ABTB2: variants seen among roughly 807,000 people sequenced by gnomAD.
ABTB2 encodes ankyrin repeat and BTB domain containing 2.
In ABTB2, 56 loss-of-function variants were observed where a neutral mutation model predicts 104.1. The observed-to-expected ratio is 0.54, with a 90% CI of 0.43 to 0.67. The LOEUF (loss-of-function observed/expected upper bound fraction) is 0.67. Among genes scored for constraint, ABTB2 ranks in the 30% least tolerant of loss-of-function variants. The probability of loss-of-function intolerance (pLI) is 0.00; values close to 1 mark genes in which losing one functional copy is unlikely to be tolerated. For missense variants in ABTB2, 1,279 were observed against 1,407.7 expected (o/e 0.91, Z 1.46); for synonymous variants, 606 against 608.2 (o/e 1.00, Z 0.05).
chr11:34,236,954 G>C (rs1565148562), intron 1 of ABTB2, among the ~76,000 whole-genome samples: 1 of 152,194 alleles, frequency 6.6e-6, no homozygotes, highest in Non-Finnish European at 1.5e-5. Flanking sequence ...TTATGAGAAA[G>C]TTGAATGTAT....
At chr11:34,172,431 T>TGG in intron 4 of ABTB2, among the ~76,000 whole-genome samples, 1 of 83,926 alleles carries the variant, frequency 1.2e-5, no homozygotes. Context: ...TGTGTGTGTG[T>TGG]GTGTATATAG....
chr11:34,274,617 T>A (rs1039220316), intron 1 of ABTB2, among the ~76,000 whole-genome samples: 1 of 151,938 alleles, frequency 6.6e-6, no homozygotes, highest in Non-Finnish European at 1.5e-5. Flanking sequence ...TTCTTTTTTT[T>A]AAAGGCACAC....
At chr11:34,335,934 T>C in intron 1 of ABTB2, 1 of 664,458 alleles carries the variant, frequency 1.5e-6, no homozygotes, top group East Asian at 2.6e-5. Flanking sequence ...TTGCCAACGT[T>C]TTAACTAAAG....
At chr11:34,224,771 A>G (rs1419385483) in intron 1 of ABTB2, among the ~76,000 whole-genome samples, 5 of 152,250 alleles carry the variant, frequency 3.3e-5, no homozygotes, top group African/African-American at 9.6e-5. Flanking sequence ...TACAAAAGAC[A>G]GAAGGCACCA....
At chr11:34,212,693 C>T (rs1236435922) in intron 1 of ABTB2, among the ~76,000 whole-genome samples, 4 of 152,194 alleles carry the variant, frequency 2.6e-5, no homozygotes, top group Admixed American at 2.6e-4. Flanking sequence ...CAGCACTCAC[C>T]ACCCCATCAG....
chr11:34,183,348 C>T (rs1421203596), intron 3 of ABTB2, among the ~76,000 whole-genome samples: 1 of 152,214 alleles, frequency 6.6e-6, no homozygotes, highest in Non-Finnish European at 1.5e-5. Context: ...CAACTGCCTA[C>T]CTTGGCATCC....
chr11:34,182,883 G>A (rs1853047457), intron 3 of ABTB2, among the ~76,000 whole-genome samples: 1 of 152,110 alleles, frequency 6.6e-6, no homozygotes, highest in African/African-American at 2.4e-5. Flanking sequence ...TATACATGGG[G>A]AAACTGAGGG....
intron 3 of ABTB2, among the ~76,000 whole-genome samples, chr11:34,179,470 C>T (rs1011316309): frequency 8.5e-5 from 13 of 152,194 alleles, no homozygotes; most frequent in Admixed American, 7.2e-4. Flanking sequence ...TGGCACAGAG[C>T]TGGCATTTCG....
intron 1 of ABTB2, among the ~76,000 whole-genome samples, chr11:34,300,010 C>G (rs1274464971): frequency 6.6e-6 from 1 of 152,164 alleles, no homozygotes; most frequent in Non-Finnish European, 1.5e-5. Context: ...GTGCCTGGCA[C>G]AGAGTCAGAG....
chr11:34,262,132 G>T (rs1854195239), intron 1 of ABTB2, among the ~76,000 whole-genome samples: 1 of 152,232 alleles, frequency 6.6e-6, no homozygotes, highest in Non-Finnish European at 1.5e-5. Context: ...ATGATGTCCA[G>T]AGATGCAACA....
intron 1 of ABTB2, among the ~76,000 whole-genome samples, chr11:34,352,876 C>G (rs1175176491): frequency 6.6e-6 from 1 of 152,118 alleles, no homozygotes. Context: ...GGCAACATAG[C>G]AAGACCCTGT....
At chr11:34,177,120 G>A (rs974888108) in intron 3 of ABTB2, among the ~76,000 whole-genome samples, 9 of 152,128 alleles carry the variant, frequency 5.9e-5, no homozygotes, top group Admixed American at 5.2e-4. Flanking sequence ...TCCCTATTGT[G>A]GCCAACAGCC....
intron 3 of ABTB2, among the ~76,000 whole-genome samples, chr11:34,183,927 C>G (rs1017525940): frequency 6.6e-6 from 1 of 151,914 alleles, no homozygotes; most frequent in African/African-American, 2.4e-5. Flanking sequence ...AAACAAAAAA[C>G]AAAAAACGGG....
At chr11:34,229,948 C>T (rs1853747242) in intron 1 of ABTB2, among the ~76,000 whole-genome samples, 1 of 152,180 alleles carries the variant, frequency 6.6e-6, no homozygotes, top group Admixed American at 6.5e-5. Flanking sequence ...TTCAGTTTTG[C>T]CAGCCACTTT....
At chr11:34,181,254 AAACAAAC>A (rs1389880462) in intron 3 of ABTB2, among the ~76,000 whole-genome samples, 5 of 127,408 alleles carry the variant, frequency 3.9e-5, no homozygotes, top group Non-Finnish European at 9.3e-5. Context: ...ACAAACAAAC[AAACAAAC>A]AAAAAAAACA....
chr11:34,197,589 A>C, intron 2 of ABTB2, 51 bp from the exon 3 acceptor site: 16 of 1,268,040 alleles, frequency 1.3e-5, no homozygotes, highest in Non-Finnish European at 1.6e-5. Flanking sequence ...AAAGAAGACA[A>C]AGTCTGAGTT....
intron 1 of ABTB2, among the ~76,000 whole-genome samples, chr11:34,346,819 T>C (rs150741277): frequency 6.6e-6 from 1 of 152,354 alleles, no homozygotes; most frequent in Non-Finnish European, 1.5e-5. Context: ...CATAGCTCTG[T>C]ACTGGATTGT....
intron 3 of ABTB2, among the ~76,000 whole-genome samples, chr11:34,180,749 C>T (rs1413439641): frequency 6.6e-6 from 1 of 152,184 alleles, no homozygotes; most frequent in Non-Finnish European, 1.5e-5. Context: ...ACCCAGGTGC[C>T]ATAACAGTCT....
chr11:34,170,781 C>A lies in ABTB2; in HGVS notation c.1563+125G>T, dbSNP rs141510439. The A allele has an allele frequency of 6.9e-4, 825 of 1,197,746 alleles. 3 individuals are homozygous for A. In the African/African-American group the frequency reaches 0.011, roughly 16 times the overall value. The allele number at this position is 1,197,746 out of a possible 1,614,324, so 74.2% of individuals were successfully genotyped here. A position where few individuals can be genotyped will look rare whatever the true frequency, so the allele number is the denominator to read the frequency against. On this transcript the variant is annotated intron_variant, in intron 5 of 16. Coordinates refer to ENST00000435224, the MANE Select transcript of ABTB2 (RefSeq NM_145804.3). ...GGCAGGGCAGGATTCAGGGAGGTAG[C>A]CCGCCTTTTCGAAGTACAGAGCTGA...
Sources: allele counts gnomAD v4.1 joint callset (sites outside exome capture counted in the v4.1 genomes callset), GRCh38; gene constraint gnomAD v4.1.1; transcripts MANE v1.5; gene names NCBI Gene and HGNC (gene_info 2026-07-23, HGNC 2026-07-21).